SUGP1: variants seen among roughly 807,000 people sequenced by gnomAD.
SUGP1 encodes SURP and G-patch domain containing 1.
A neutral mutation model predicts 76.5 loss-of-function variants in SUGP1; 34 were observed. The observed-to-expected ratio is 0.44, with a 90% confidence interval of 0.34 to 0.59. SUGP1 has a LOEUF of 0.59. Ranked by LOEUF, SUGP1 falls within the 20% of genes least tolerant of loss-of-function variation. The probability of loss-of-function intolerance (pLI) is 0.01; values close to 1 mark genes in which losing one functional copy is unlikely to be tolerated. For missense variants in SUGP1, 752 were observed against 851.7 expected, an observed-to-expected ratio of 0.88 and a Z score of 1.46; for synonymous variants, 326 against 326.2, an observed-to-expected ratio of 1.00 and a Z score of 0.01.
At chr19:19,280,077 G>A in intron 9 of SUGP1, 108 bp downstream of exon 9, 2 of 1,108,922 alleles carry the variant, frequency 1.8e-6, no homozygotes, top group Non-Finnish European at 2.6e-6. Context: ...CCTGAACACA[G>A]GAGCTTGGCG....
intron 7 of SUGP1, among the ~76,000 whole-genome samples, chr19:19,301,446 C>T (rs193288357): frequency 3.8e-4 from 58 of 152,342 alleles, no homozygotes; most frequent in Non-Finnish European, 7.5e-4. Flanking sequence ...CCACCCTCCA[C>T]GACCTTGGCC....
chr19:19,306,084 AGAAG>A lies in SUGP1; in HGVS notation c.311-12_311-9del, dbSNP rs2061315994. 6.4e-7 allele frequency: 1 copy of A among 1,571,414 alleles called. No individual in the cohort carries two copies. Among genetic ancestry groups the A allele is most frequent in the African/African-American group, 1.4e-5 (1 of 73,508 alleles). On this transcript the variant is annotated splice_polypyrimidine_tract_variant and intron_variant, in intron 3 of 13. Transcript: ENST00000247001. ...GCGCACTGGTCGGGGCGTCTGGTAT[AGAAG>A]GAAGGATATGCGCACTCGGGATCTG...
chr19:19,303,056 C>T lies in SUGP1; in HGVS notation c.763+292G>A, dbSNP rs142705140. Among the ~76,000 whole-genome samples, 258 of 152,278 alleles carry T rather than the reference C, an allele frequency of 1.7e-3. 1 individual carries two copies. The East Asian group carries it at 0.024, about 14-fold the overall frequency. The stretch of plus-strand genomic sequence containing the variant: ...AACCAACAAGCAAAAGCCCCCTCTA[C>T]CTAGGGTACTGCCCTGAACCGCTCT... On this transcript the variant is annotated intron_variant, in intron 6 of 13. Coordinates refer to ENST00000247001, the MANE Select transcript of SUGP1 (RefSeq NM_172231.4).
intron 3 of SUGP1, among the ~76,000 whole-genome samples, chr19:19,309,784 C>T (rs185152131): frequency 6.6e-6 from 1 of 152,220 alleles, no homozygotes; most frequent in Non-Finnish European, 1.5e-5. Flanking sequence ...TGGTGGCGGG[C>T]GTCTGTAGTC....
chr19:19,304,211 C>A (rs996041584), intron 4 of SUGP1, among the ~76,000 whole-genome samples: 1 of 152,174 alleles, frequency 6.6e-6, no homozygotes, highest in Non-Finnish European at 1.5e-5. Flanking sequence ...AAAGATGACA[C>A]GTTCTTTTTT....
intron 8 of SUGP1, among the ~76,000 whole-genome samples, chr19:19,295,284 G>A (rs541883679): frequency 6.6e-6 from 1 of 152,134 alleles, no homozygotes; most frequent in African/African-American, 2.4e-5. Context: ...AGATACTCAG[G>A]AGGCTAAGGC....
intron 8 of SUGP1, among the ~76,000 whole-genome samples, chr19:19,281,894 G>A (rs1425716111): frequency 6.6e-6 from 1 of 152,212 alleles, no homozygotes; most frequent in Admixed American, 6.5e-5. Context: ...GGCCCTCCCC[G>A]AAATTGCTGC....
chr19:19,308,998 C>G (rs573725218), intron 3 of SUGP1, among the ~76,000 whole-genome samples: 18 of 152,224 alleles, frequency 1.2e-4, no homozygotes, highest in African/African-American at 4.3e-4. Flanking sequence ...TCCCGAGTAG[C>G]TGGGATTACA....
Position 19,276,537 on chromosome 19 carries a change from T to C in SUGP1, c.*111A>G. 2 of 1,369,294 alleles carry C rather than the reference T, an allele frequency of 1.5e-6. No homozygotes were observed. Among genetic ancestry groups the C allele is most frequent in the Non-Finnish European group, 2.1e-6 (2 of 971,630 alleles). The allele number at this position is 1,369,294 out of a possible 1,614,324, so 84.8% of individuals were successfully genotyped here. Reference sequence around the variant, plus strand: ...GTGGTGGATGAGCACTGGGACTTTATTACACGGCACGGCACTCGTGACAAC... The same window carrying C: ...GTGGTGGATGAGCACTGGGACTTTACTACACGGCACGGCACTCGTGACAAC... On this transcript the variant is annotated 3_prime_UTR_variant, in exon 14 of 14. Transcript: ENST00000247001.
intron 2 of SUGP1, among the ~76,000 whole-genome samples, chr19:19,311,387 C>T (rs1411531646): frequency 6.6e-6 from 1 of 151,246 alleles, no homozygotes; most frequent in Non-Finnish European, 1.5e-5. Context: ...ATATAAAATG[C>T]CCTGTGATTC....
chr19:19,289,848 G>A (rs1004435416), intron 8 of SUGP1, among the ~76,000 whole-genome samples: 1 of 152,206 alleles, frequency 6.6e-6, no homozygotes, highest in Non-Finnish European at 1.5e-5. Flanking sequence ...GGAGGGTGGC[G>A]TGCCCAGGGA....
intron 7 of SUGP1, among the ~76,000 whole-genome samples, chr19:19,298,520 G>A (rs192377456): frequency 2.0e-4 from 30 of 152,096 alleles, no homozygotes; most frequent in Middle Eastern, 3.4e-3. Flanking sequence ...AATAGTGAGC[G>A]AGCAGCAAGA....
At position 19,297,277 on chromosome 19, in the gene SUGP1, C is replaced by A. The variant is rs1235202386; in HGVS notation, c.955G>T (p.Ala319Ser). Residue 319 changes from alanine to serine, a missense_variant, in exon 8 of 14, where the codon GCC becomes TCC. Ala to Ser is a moderately conservative substitution (Grantham distance 99). Around this residue, in one of 2 missense-constraint regions of SUGP1, gnomAD observed 620 missense variants for 617.3 expected, o/e 1.00. Transcript: ENST00000247001. The part of the protein sequence containing the change: ...YRQKLEEFRK[A>S]KASSTGSFTA... ...AAGCTGCCTGTGGAGCTGGCCTTGG[C>A]TTTCCGGAACTCCTCCAGCTTCTGT... The A allele has an allele frequency of 3.9e-6, 6 of 1,555,898 alleles. 1 individual carries two copies. The South Asian group carries it at 7.2e-5, about 19-fold the overall frequency.
chr19:19,302,338 T>C lies in SUGP1; in HGVS notation c.814A>G (p.Arg272Gly). Reference protein sequence around the residue: ...EVKNLAEKLARFIADGGPEVE... With the variant: ...EVKNLAEKLAGFIADGGPEVE... ...TCGGGACCCCCGTCCGCTATGAACC[T>C]GGCCAACTTTTCTGCAAGGTTCTTG... is the stretch of plus-strand genomic sequence containing the variant. Residue 272 changes from arginine to glycine, a missense_variant, in exon 7 of 14, where the codon AGG (arginine) becomes GGG (glycine). Arg to Gly is a moderately radical substitution (Grantham distance 125). Coordinates refer to ENST00000247001, the MANE Select transcript of SUGP1 (RefSeq NM_172231.4). 6.2e-7 allele frequency: 1 copy of C among 1,614,206 alleles called. No individual in the cohort carries two copies. The highest frequency in any genetic ancestry group is 1.7e-4 in the Middle Eastern group (1 of 6,060).
At chr19:19,282,368 G>T (rs1308746122) in intron 8 of SUGP1, among the ~76,000 whole-genome samples, 2 of 151,642 alleles carry the variant, frequency 1.3e-5, no homozygotes, top group Admixed American at 6.6e-5. Context: ...GGAGACTGAG[G>T]TGGGAGGATA....
At chr19:19,306,210 C>T in intron 3 of SUGP1, 134 bp from the exon 4 acceptor site, 1 of 813,934 alleles carries the variant, frequency 1.2e-6, no homozygotes, top group South Asian at 2.0e-5. Flanking sequence ...CAGAGGAGGC[C>T]ACCCTGATTT....
At chr19:19,312,549 G>A (rs1206668451) in intron 2 of SUGP1, among the ~76,000 whole-genome samples, 1 of 152,178 alleles carries the variant, frequency 6.6e-6, no homozygotes, top group Non-Finnish European at 1.5e-5. Context: ...ATAGGAGAAA[G>A]GAATAATTTT....
intron 2 of SUGP1, among the ~76,000 whole-genome samples, chr19:19,310,943 T>G (rs2061348510): frequency 6.6e-6 from 1 of 152,108 alleles, no homozygotes; most frequent in South Asian, 2.1e-4. Context: ...ACACCTGACC[T>G]ATTTATTTAA....
chr19:19,314,488 A>G (rs1037586325), intron 2 of SUGP1, among the ~76,000 whole-genome samples: 1 of 152,064 alleles, frequency 6.6e-6, no homozygotes, highest in Admixed American at 6.6e-5. Flanking sequence ...ATTACCTTTA[A>G]AGTTTAAAAA....
Sources: gnomAD v4.1 joint callset for allele counts (sites outside exome capture counted in the v4.1 genomes callset) on GRCh38, gnomAD v4.1.1 for gene constraint, gnomAD v4.1.1 regional missense constraint, MANE v1.5 for transcripts, NCBI Gene and HGNC (gene_info 2026-07-23, HGNC 2026-07-21) for gene names.